MYH10: variants seen among roughly 807,000 people sequenced by gnomAD.
The protein encoded by MYH10 is myosin heavy chain 10.
A neutral mutation model predicts 257.8 loss-of-function variants in MYH10; 55 were observed. That is an observed-to-expected ratio of 0.21 (90% CI 0.17 to 0.27). MYH10 has a LOEUF of 0.27. Ranked by LOEUF, MYH10 falls within the 10% of genes least tolerant of loss-of-function variation. The pLI, the probability that MYH10 is intolerant of heterozygous loss-of-function variation, is 1.00. For missense variants in MYH10, 1,631 were observed against 2,500.6 expected (o/e 0.65, Z 7.42); for synonymous variants, 854 against 921.7 (o/e 0.93, Z 1.33).
chr17:8,588,847 A>C (rs1314290856), intron 4 of MYH10, among the ~76,000 whole-genome samples: 1 of 152,234 alleles, frequency 6.6e-6, no homozygotes, highest in Non-Finnish European at 1.5e-5. Flanking sequence ...CTATGAACTA[A>C]AGATGTAAGT....
Position 8,506,157 on chromosome 17 carries a change from A to C in MYH10, c.3386+161T>G. The C allele has an allele frequency of 1.6e-6, 1 of 624,124 alleles. No homozygotes were observed. 38.7% of individuals were successfully genotyped at this position (624,124 alleles called of 1,614,324 possible). On this transcript the variant is annotated intron_variant, in intron 27 of 42. Transcript: ENST00000360416. This position sits in a 1 kb window ranked among gnomAD's most constrained non-coding sequence, Gnocchi z 5.0. ...TGAGACTTTCTTGCTGTCCTGACAC[A>C]AATTCTGTACGCCTGGGCTTTTCAC...
At chr17:8,514,543 G>A (rs2081402279) in intron 21 of MYH10, among the ~76,000 whole-genome samples, 1 of 152,152 alleles carries the variant, frequency 6.6e-6, no homozygotes, top group Admixed American at 6.5e-5. Context: ...CCCCACAGCA[G>A]GGTCTGAGAC....
intron 29 of MYH10, among the ~76,000 whole-genome samples, chr17:8,500,577 G>C (rs1917371261): frequency 6.6e-6 from 1 of 152,192 alleles, no homozygotes; most frequent in African/African-American, 2.4e-5. Flanking sequence ...AGAGACACTG[G>C]GGAGGACTGT....
intron 34 of MYH10, 140 bp downstream of exon 34, chr17:8,492,157 A>C: frequency 1.3e-6 from 1 of 796,930 alleles, no homozygotes; most frequent in South Asian, 1.7e-5. Flanking sequence ...AGGCCAAAAC[A>C]CTCCTAGATG....
intron 19 of MYH10, among the ~76,000 whole-genome samples, chr17:8,519,811 A>G (rs1360818868): frequency 6.6e-6 from 1 of 152,174 alleles, no homozygotes; most frequent in Non-Finnish European, 1.5e-5. Flanking sequence ...TCTGATTTCC[A>G]GAAAAAAGAA....
chr17:8,530,129 C>T (rs2081968337), intron 17 of MYH10, among the ~76,000 whole-genome samples: 1 of 152,172 alleles, frequency 6.6e-6, no homozygotes, highest in Non-Finnish European at 1.5e-5. Flanking sequence ...ATGAGACCAA[C>T]ACACCTGAGG....
intron 36 of MYH10, among the ~76,000 whole-genome samples, chr17:8,486,117 C>G (rs988875016): frequency 3.3e-5 from 5 of 152,118 alleles, no homozygotes; most frequent in Non-Finnish European, 5.9e-5. Context: ...AAATATGGAA[C>G]AAAGGCAAAT....
chr17:8,604,121 T>C (rs1054672701), intron 3 of MYH10, among the ~76,000 whole-genome samples: 2 of 152,154 alleles, frequency 1.3e-5, no homozygotes, highest in East Asian at 1.9e-4. Context: ...TTAAAACTTA[T>C]AGAATTTAGT....
intron 30 of MYH10, 118 bp from the exon 31 acceptor site, chr17:8,495,359 C>G: frequency 1.5e-6 from 1 of 654,816 alleles, no homozygotes; most frequent in Non-Finnish European, 2.7e-6. Context: ...CCTGAAACTA[C>G]CCATTCAGTT....
chr17:8,528,827 C>T (rs1472114429), intron 17 of MYH10, among the ~76,000 whole-genome samples: 30 of 152,146 alleles, frequency 2.0e-4, no homozygotes, highest in East Asian at 3.9e-4. Context: ...AAAGAGAAAA[C>T]GATTTTGCTG....
intron 3 of MYH10, among the ~76,000 whole-genome samples, chr17:8,603,520 A>G (rs2084687428): frequency 6.6e-6 from 1 of 152,222 alleles, no homozygotes; most frequent in Non-Finnish European, 1.5e-5. Flanking sequence ...CTCAATTGTG[A>G]GATGTTATCT....
chr17:8,558,250 T>G (rs990579321), intron 7 of MYH10, among the ~76,000 whole-genome samples: 4 of 152,132 alleles, frequency 2.6e-5, no homozygotes, highest in Admixed American at 6.5e-5. Context: ...GCTGACCTAA[T>G]GCTCCCCAAA....
At chr17:8,521,454 A>G (rs2081653761) in intron 17 of MYH10, 169 bp from the exon 18 acceptor site, 2 of 640,770 alleles carry the variant, frequency 3.1e-6, no homozygotes, top group Non-Finnish European at 5.4e-6. Flanking sequence ...CCGGGAACTA[A>G]CAGCCACACA....
At chr17:8,496,931 G>A (rs529197670) in intron 30 of MYH10, among the ~76,000 whole-genome samples, 1 of 152,182 alleles carries the variant, frequency 6.6e-6, no homozygotes, top group Admixed American at 6.5e-5. Context: ...CTAGGCAAGA[G>A]GTGCCTATGT....
chr17:8,579,861 T>A (rs1019476507), intron 4 of MYH10, among the ~76,000 whole-genome samples: 6 of 152,150 alleles, frequency 3.9e-5, no homozygotes, highest in African/African-American at 1.2e-4. Context: ...CTGAAAAAAA[T>A]TTTATGATTT....
intron 27 of MYH10, 124 bp from the exon 28 acceptor site, chr17:8,505,030 G>A (rs1349589027): frequency 7.6e-6 from 6 of 794,096 alleles, no homozygotes; most frequent in Non-Finnish European, 1.3e-5. Flanking sequence ...TCCTCCTGGG[G>A]CCTGAGGCTG....
intron 4 of MYH10, among the ~76,000 whole-genome samples, chr17:8,585,364 A>G (rs2083879853): frequency 6.8e-6 from 1 of 147,760 alleles, no homozygotes; most frequent in African/African-American, 2.5e-5. Context: ...GAGAAAAGGC[A>G]TACAAATTTA....
intron 14 of MYH10, among the ~76,000 whole-genome samples, chr17:8,539,293 G>C (rs2082229390): frequency 1.3e-5 from 2 of 152,176 alleles, no homozygotes. Flanking sequence ...TCAACGTGCT[G>C]TTCACCTGCT....
intron 2 of MYH10, among the ~76,000 whole-genome samples, chr17:8,611,236 A>G (rs2085027336): frequency 6.6e-6 from 1 of 152,234 alleles, no homozygotes; most frequent in African/African-American, 2.4e-5. Flanking sequence ...CGTGAAGCCC[A>G]GTTGGAACAG....
Sources: gnomAD v4.1 joint callset for allele counts (sites outside exome capture counted in the v4.1 genomes callset) on GRCh38, gnomAD v4.1.1 for gene constraint, Gnocchi (gnomAD v3.1) non-coding constraint, MANE v1.5 for transcripts, NCBI Gene and HGNC (gene_info 2026-07-23, HGNC 2026-07-21) for gene names.